The following CD34 variants were observed in gnomAD, a reference collection of about 807,000 sequenced individuals.
The protein encoded by CD34 is CD34 molecule.
In CD34, 34 loss-of-function variants were observed where a neutral mutation model predicts 40.1. The ratio of observed to expected loss-of-function variants is 0.85; its 90% CI spans 0.65 to 1.13. The LOEUF (loss-of-function observed/expected upper bound fraction) is 1.13. Ranked by LOEUF, CD34 falls within the 50% of genes most tolerant of loss-of-function variation. The pLI is 0.00. For missense variants in CD34, 426 were observed against 466.9 expected (o/e 0.91, Z 0.81); for synonymous variants, 209 against 190.0 (o/e 1.10, Z -0.82).
chr1:207,889,258 T>G, intron 5 of CD34, 45 bp from the exon 6 acceptor site: 1 of 1,613,842 alleles, frequency 6.2e-7, no homozygotes, highest in Non-Finnish European at 8.5e-7. Flanking sequence ...AGAAACCAGC[T>G]TATCCTGCTC....
Position 207,884,293 on chromosome 1 carries a change from T to A in CD34, c.*3445A>T. 1 of 152,280 alleles carries A rather than the reference T, an allele frequency of 6.6e-6. No individual in the cohort carries two copies. The highest frequency in any genetic ancestry group is 2.4e-5 in the African/African-American group (1 of 41,476). 9.4% of individuals were successfully genotyped at this position (152,280 alleles called of 1,614,324 possible). A position where few individuals can be genotyped will look rare whatever the true frequency, so the allele number is the denominator to read the frequency against. On this transcript the variant is annotated 3_prime_UTR_variant, in exon 8 of 8. Coordinates refer to ENST00000310833, the MANE Select transcript of CD34 (RefSeq NM_001025109.2). Reference sequence around the variant, plus strand: ...CAACCATTATTCTCAATATATTTTATGTTTTTCATAGCTCTCAATCCTGAA... The same window carrying A: ...CAACCATTATTCTCAATATATTTTAAGTTTTTCATAGCTCTCAATCCTGAA...
chr1:207,898,139 T>A (rs1225517518), intron 3 of CD34, among the ~76,000 whole-genome samples: 1 of 151,966 alleles, frequency 6.6e-6, no homozygotes, highest in Non-Finnish European at 1.5e-5. Flanking sequence ...TCCACCTCCC[T>A]GGTTCAAGTG....
intron 3 of CD34, among the ~76,000 whole-genome samples, chr1:207,897,909 T>C (rs1460650387): frequency 6.6e-6 from 1 of 152,148 alleles, no homozygotes; most frequent in East Asian, 1.9e-4. Flanking sequence ...TTCTCTCCAG[T>C]CAATCACAAA....
At chr1:207,902,631 C>T (rs1662295184) in intron 1 of CD34, among the ~76,000 whole-genome samples, 1 of 152,208 alleles carries the variant, frequency 6.6e-6, no homozygotes, top group Admixed American at 6.5e-5. Context: ...TACTGGGGAC[C>T]CCATCTGGTC....
At chr1:207,893,107 C>T (rs1158131235) in intron 4 of CD34, among the ~76,000 whole-genome samples, 1 of 152,120 alleles carries the variant, frequency 6.6e-6, no homozygotes, top group African/African-American at 2.4e-5. Context: ...GGAGAGTGGG[C>T]AGGAGGAAGA....
At chr1:207,890,258 A>G (rs1440088240) in intron 4 of CD34, 2 of 994,324 alleles carry the variant, frequency 2.0e-6, no homozygotes, top group African/African-American at 3.5e-5. Flanking sequence ...AGACCCAGGA[A>G]TTTGGACTCA....
In CD34 at chr1:207,882,592, A is replaced by T. The variant is rs1445590950; in HGVS notation, c.*5146T>A. ...CAGCCATCATAAACATGCTTTAATGAGCAATTGCAGCATGCTTGAAACAAA... is the reference window on the plus strand; with the variant it reads ...CAGCCATCATAAACATGCTTTAATGTGCAATTGCAGCATGCTTGAAACAAA... On this transcript the variant is annotated 3_prime_UTR_variant, in exon 8 of 8. Coordinates refer to ENST00000310833, the MANE Select transcript of CD34 (RefSeq NM_001025109.2). The T allele has an allele frequency of 6.6e-6, 1 of 152,242 alleles. No homozygotes were observed. 9.4% of individuals were successfully genotyped at this position (152,242 alleles called of 1,614,324 possible).
intron 4 of CD34, chr1:207,890,194 A>C: frequency 9.9e-7 from 1 of 1,009,928 alleles, no homozygotes; most frequent in Admixed American, 5.9e-5. Context: ...AAAGCATGGA[A>C]CCCAGTTTTA....
rs1377627570 is a variant in CD34 at position 207,883,079 on chromosome 1, C to T, written c.*4659G>A. ...TGAATAAATGGAAACTCTTCTGTGG[C>T]TCCTCTTCTATTGGATAAAATTAAA... On this transcript the variant is annotated 3_prime_UTR_variant, in exon 8 of 8. Coordinates refer to ENST00000310833, the MANE Select transcript of CD34 (RefSeq NM_001025109.2). The T allele has an allele frequency of 6.6e-6, 1 of 152,160 alleles. No individual in the cohort carries two copies. Among genetic ancestry groups the T allele is most frequent in the African/African-American group, 2.4e-5 (1 of 41,452 alleles). 9.4% of individuals were successfully genotyped at this position (152,160 alleles called of 1,614,324 possible). A position where few individuals can be genotyped will look rare whatever the true frequency, so the allele number is the denominator to read the frequency against.
chr1:207,909,228 C>T (rs1449983143), intron 1 of CD34, among the ~76,000 whole-genome samples: 1 of 152,104 alleles, frequency 6.6e-6, no homozygotes, highest in East Asian at 1.9e-4. Flanking sequence ...GCTCCCCCAA[C>T]CCCAACCTCG....
chr1:207,894,146 G>T (rs1662094053), intron 4 of CD34, among the ~76,000 whole-genome samples: 1 of 152,146 alleles, frequency 6.6e-6, no homozygotes, highest in Non-Finnish European at 1.5e-5. Flanking sequence ...AGGGGAAAAA[G>T]CCCAAGTGTC....
chr1:207,892,554 C>A (rs1005726817), intron 4 of CD34, among the ~76,000 whole-genome samples: 1 of 151,732 alleles, frequency 6.6e-6, no homozygotes, highest in African/African-American at 2.4e-5. Context: ...ACTCTGCACT[C>A]CGGCCTGGGC....
At chr1:207,898,914 C>G (rs1662206784) in intron 3 of CD34, 59 bp downstream of exon 3, 5 of 1,577,280 alleles carry the variant, frequency 3.2e-6, no homozygotes, top group Non-Finnish European at 4.3e-6. Flanking sequence ...AAAGAAACAG[C>G]TTGCCTGCAT....
chr1:207,900,965 C>G (rs1275199660), intron 1 of CD34, among the ~76,000 whole-genome samples: 2 of 150,210 alleles, frequency 1.3e-5, no homozygotes, highest in African/African-American at 4.9e-5. Context: ...AGTGTCTTTG[C>G]ACATCTCTTC....
chr1:207,900,653 C>G (rs1486003785), intron 1 of CD34, among the ~76,000 whole-genome samples: 7 of 152,126 alleles, frequency 4.6e-5, no homozygotes, highest in Admixed American at 4.6e-4. Flanking sequence ...AACCCATTCG[C>G]CTTTCCTTTT....
rs1571774802 is a variant in CD34 at position 207,899,282 on chromosome 1, A to G, written c.263-56T>C. 3 of 1,583,758 alleles carry G rather than the reference A, an allele frequency of 1.9e-6. No individual in the cohort carries two copies. In the East Asian group the frequency reaches 6.7e-5, roughly 36 times the overall value. ...TGTGCATGTGCTCATAGATACACAAAATCTCAGGTCATGATATGGGCATGC... is the reference window on the plus strand; with the variant it reads ...TGTGCATGTGCTCATAGATACACAAGATCTCAGGTCATGATATGGGCATGC... On this transcript the variant is annotated intron_variant, in intron 2 of 7. Transcript: ENST00000310833.
Position 207,897,585 on chromosome 1 carries a change from C to T in CD34, c.517-12G>A, listed in dbSNP as rs1172528044. 1.3e-6 allele frequency: 2 copies of T among 1,541,648 alleles called. No individual in the cohort carries two copies. The highest frequency in any genetic ancestry group is 1.8e-6 in the Non-Finnish European group (2 of 1,138,518). ...CATTTGATTTCTGCCTGTATTAAAA[C>T]AAAAACAATAACAAAAACAAAGTAA... On this transcript the variant is annotated splice_polypyrimidine_tract_variant and intron_variant, in intron 3 of 7. Coordinates refer to ENST00000310833, the MANE Select transcript of CD34 (RefSeq NM_001025109.2).
intron 5 of CD34, 37 bp downstream of exon 5, chr1:207,889,428 C>T (rs1558117660): frequency 6.3e-7 from 1 of 1,588,850 alleles, no homozygotes; most frequent in Admixed American, 1.7e-5. Flanking sequence ...CTCAGCCCTA[C>T]TCCTTCCCTG....
chr1:207,890,214 A>G, intron 4 of CD34: 5 of 1,002,410 alleles, frequency 5.0e-6, no homozygotes, highest in Non-Finnish European at 5.9e-6. Flanking sequence ...AATGAAGTTC[A>G]TAGATTTTTC....
Sources: gnomAD v4.1 joint callset for allele counts (sites outside exome capture counted in the v4.1 genomes callset) on GRCh38, gnomAD v4.1.1 for gene constraint, MANE v1.5 for transcripts, NCBI Gene and HGNC (gene_info 2026-07-23, HGNC 2026-07-21) for gene names.